The following PAK4 variants were observed in gnomAD, a reference collection of about 807,000 sequenced individuals.
The protein encoded by PAK4 is p21 (RAC1) activated kinase 4.
Under a neutral mutation model 53.5 loss-of-function variants are expected in PAK4, and 49 were observed. The observed-to-expected ratio is 0.92, with a 90% CI of 0.73 to 1.16. The LOEUF (loss-of-function observed/expected upper bound fraction) is 1.16. Ranked by LOEUF, PAK4 falls within the 50% of genes most tolerant of loss-of-function variation. PAK4 has a pLI of 0.00. For missense variants in PAK4, 824 were observed against 850.7 expected (o/e 0.97, Z 0.39); for synonymous variants, 376 against 375.6 (o/e 1.00, Z -0.01).
chr19:39,154,970 C>A (rs919289535), intron 1 of PAK4, among the ~76,000 whole-genome samples: 3 of 152,234 alleles, frequency 2.0e-5, no homozygotes, highest in Non-Finnish European at 4.4e-5. Context: ...GCCCTGAGAG[C>A]AAGCGCTGGC....
intron 1 of PAK4, among the ~76,000 whole-genome samples, chr19:39,155,111 G>C (rs1227468084): frequency 6.6e-6 from 1 of 152,302 alleles, no homozygotes; most frequent in African/African-American, 2.4e-5. Flanking sequence ...CGGGGCGCTT[G>C]CTCACTGTTG....
At chr19:39,138,729 C>T (rs1243434372) in intron 1 of PAK4, among the ~76,000 whole-genome samples, 3 of 152,194 alleles carry the variant, frequency 2.0e-5, no homozygotes, top group African/African-American at 7.2e-5. Flanking sequence ...GGGCAGGGTG[C>T]CCAGAAAGGA....
chr19:39,135,324 CTTTTTTTTTTTTTTTTT>C (rs559171888), intron 1 of PAK4: 2 of 88,366 alleles, frequency 2.3e-5, no homozygotes, highest in African/African-American at 4.9e-5. Context: ...AGTGCTTATT[CTTTTTTTTTTTTTTTTT>C]TTTTTTTTTT....
intron 1 of PAK4, among the ~76,000 whole-genome samples, chr19:39,131,739 A>G (rs1228725977): frequency 1.3e-5 from 2 of 152,140 alleles, no homozygotes; most frequent in Non-Finnish European, 2.9e-5. Flanking sequence ...CTGGGAGGCC[A>G]TCTGCTGCCT....
chr19:39,131,410 G>GACACCGGTC (rs2073708216), intron 1 of PAK4, among the ~76,000 whole-genome samples: 1 of 152,156 alleles, frequency 6.6e-6, no homozygotes, highest in South Asian at 2.1e-4. Context: ...TTCCTGGCCA[G>GACACCGGTC]ACACCGGTCA....
Position 39,173,733 on chromosome 19 carries a change from C to T in PAK4, c.821C>T (p.Pro274Leu), listed in dbSNP as rs1198179975. Residue 274 changes from proline to leucine, a missense_variant, in exon 4 of 9, where the codon CCA (proline) becomes CTA (leucine). Physicochemically the swap from Pro to Leu is moderately conservative, Grantham distance 98 (BLOSUM62 -3). Around this residue, in one of 2 missense-constraint regions of PAK4, gnomAD observed 478 missense variants for 435.8 expected, o/e 1.10. Transcript: ENST00000358301. This position sits in a 1 kb window ranked among gnomAD's most constrained non-coding sequence, Gnocchi z 6.9. ...GCCTCAGAGCCCCAGCTGGCCCCTC[C>T]AGCCTGCACCCCCGCCGCCCCTGCT... 6.3e-7 allele frequency: 1 copy of T among 1,576,458 alleles called. No individual in the cohort carries two copies. The highest frequency in any genetic ancestry group is 8.6e-7 in the Non-Finnish European group (1 of 1,163,982).
chr19:39,130,080 A>G (rs1289966327), intron 1 of PAK4, among the ~76,000 whole-genome samples: 4 of 96,364 alleles, frequency 4.2e-5, no homozygotes, highest in African/African-American at 1.5e-4. Context: ...GGCGAGGGTC[A>G]GGGCGGGATG....
exon 2 of PAK4, chr19:39,169,544 C>A (rs775288678): frequency 1.2e-6 from 2 of 1,611,772 alleles, no homozygotes; most frequent in Non-Finnish European, 8.5e-7. Context: ...CGCACCGAGT[C>A]CCCGGCACCA....
At chr19:39,148,677 G>A (rs2074046348) in intron 1 of PAK4, among the ~76,000 whole-genome samples, 1 of 150,302 alleles carries the variant, frequency 6.7e-6, no homozygotes, top group Non-Finnish European at 1.5e-5. Flanking sequence ...AGCTGGTCTT[G>A]AACTCCTGAC....
At chr19:39,131,203 G>A (rs190214892) in intron 1 of PAK4, among the ~76,000 whole-genome samples, 10 of 152,242 alleles carry the variant, frequency 6.6e-5, no homozygotes, top group African/African-American at 1.7e-4. Context: ...CTGCCCTCCC[G>A]TGGTTTGGAA....
intron 1 of PAK4, chr19:39,152,490 A>G (rs2319152): frequency 0.3 from 46,182 of 152,120 alleles, 7,487 homozygotes; most frequent in Middle Eastern, 0.39. Context: ...GCTTCCTTTA[A>G]GTGAAAAAGG....
intron 1 of PAK4, among the ~76,000 whole-genome samples, chr19:39,132,534 C>T (rs1390832523): frequency 1.3e-5 from 2 of 152,280 alleles, no homozygotes; most frequent in Admixed American, 6.5e-5. Context: ...TCGTGTCCCA[C>T]GCACACGCGT....
intron 1 of PAK4, among the ~76,000 whole-genome samples, chr19:39,149,488 G>A (rs2074059126): frequency 6.6e-6 from 1 of 152,112 alleles, no homozygotes; most frequent in Non-Finnish European, 1.5e-5. Context: ...AGCTATTCGG[G>A]GGCAGGAGGA....
chr19:39,127,141 G>T (rs1327564901), intron 1 of PAK4, among the ~76,000 whole-genome samples: 1 of 152,202 alleles, frequency 6.6e-6, no homozygotes, highest in South Asian at 2.1e-4. Flanking sequence ...AAGGGAGTCC[G>T]ACGGGCTTCT....
At chr19:39,150,324 T>C (rs2074073131) in intron 1 of PAK4, among the ~76,000 whole-genome samples, 2 of 152,236 alleles carry the variant, frequency 1.3e-5, no homozygotes, top group East Asian at 3.9e-4. Flanking sequence ...TTGGAGCTCC[T>C]CTAGGGTTCC....
chr19:39,149,681 C>A (rs1422764583), intron 1 of PAK4, among the ~76,000 whole-genome samples: 1 of 152,022 alleles, frequency 6.6e-6, no homozygotes, highest in East Asian at 1.9e-4. Context: ...ACGATGAAAC[C>A]CTGTCTCTAC....
exon 9 of PAK4, chr19:39,179,099 C>G (rs886929334): frequency 5.2e-5 from 8 of 152,446 alleles, no homozygotes; most frequent in African/African-American, 1.9e-4. Flanking sequence ...GGCCTTTTCC[C>G]GTAGCCCTGC....
intron 1 of PAK4, among the ~76,000 whole-genome samples, chr19:39,147,299 G>A (rs755509525): frequency 1.1e-4 from 16 of 152,148 alleles, no homozygotes; most frequent in Non-Finnish European, 2.1e-4. Context: ...TATCCCCTCA[G>A]CATGATTCTC....
At chr19:39,133,884 C>T (rs1287034967) in intron 1 of PAK4, among the ~76,000 whole-genome samples, 2 of 152,204 alleles carry the variant, frequency 1.3e-5, no homozygotes, top group African/African-American at 2.4e-5. Flanking sequence ...GGGTGCCAGC[C>T]CCCCTCCCCT....
Sources: allele counts gnomAD v4.1 joint callset (sites outside exome capture counted in the v4.1 genomes callset), GRCh38; gene constraint gnomAD v4.1.1; regional missense constraint gnomAD v4.1.1; non-coding constraint Gnocchi (gnomAD v3.1); transcripts MANE v1.5; gene names NCBI Gene and HGNC (gene_info 2026-07-23, HGNC 2026-07-21).